PAFAH1B2: variants seen among roughly 807,000 people sequenced by gnomAD.
PAFAH1B2 encodes the protein platelet activating factor acetylhydrolase 1b catalytic subunit 2, also known as platelet-activating factor acetylhydrolase IB subunit alpha2.
In PAFAH1B2, 8 loss-of-function variants were observed where a neutral mutation model predicts 28.0. The observed-to-expected ratio is 0.29, with a 90% CI of 0.17 to 0.52. The LOEUF (loss-of-function observed/expected upper bound fraction) is 0.52. PAFAH1B2 is among the 20% of genes least tolerant of loss of function. The probability of loss-of-function intolerance (pLI) is 0.97; values close to 1 mark genes in which losing one functional copy is unlikely to be tolerated. For synonymous variants in PAFAH1B2, 104 were observed against 103.2 expected, an observed-to-expected ratio of 1.01 and a Z score of -0.05; for missense variants, 190 against 282.6, an observed-to-expected ratio of 0.67 and a Z score of 2.35.
chr11:117,149,324 C>A (rs1565260443), intron 1 of PAFAH1B2, among the ~76,000 whole-genome samples: 1 of 151,618 alleles, frequency 6.6e-6, no homozygotes. Context: ...TTCAAGTCAT[C>A]TTCCTGCCTC....
intron 5 of PAFAH1B2, among the ~76,000 whole-genome samples, chr11:117,166,468 A>G (rs1413813694): frequency 6.6e-6 from 1 of 152,250 alleles, no homozygotes; most frequent in East Asian, 1.9e-4. Context: ...TAGTAGTATC[A>G]TGGAAATGAT....
intron 2 of PAFAH1B2, among the ~76,000 whole-genome samples, chr11:117,152,838 C>T (rs1222717346): frequency 3.9e-5 from 6 of 152,152 alleles, no homozygotes; most frequent in African/African-American, 1.4e-4. Flanking sequence ...TTGGGGAGGC[C>T]GAGGTGGGCG....
downstream of PAFAH1B2, among the ~76,000 whole-genome samples, chr11:117,172,893 A>G (rs1166375696): frequency 6.6e-6 from 1 of 152,142 alleles, no homozygotes; most frequent in Non-Finnish European, 1.5e-5. Flanking sequence ...TAGTAGAGAC[A>G]GGGTTCGCCA....
chr11:117,150,539 T>G (rs1490153747), intron 1 of PAFAH1B2, among the ~76,000 whole-genome samples: 1 of 152,136 alleles, frequency 6.6e-6, no homozygotes, highest in Non-Finnish European at 1.5e-5. Context: ...AGTGTTAGTA[T>G]TATTTGCTTC....
In PAFAH1B2 at chr11:117,167,772, C is replaced by T; in HGVS notation, c.*73C>T. Reference sequence around the variant, plus strand: ...CTATCACTGGCACTACAGAATCCTTCTCTTTCTTAAGGCACTTTGCATTGT... The same window carrying T: ...CTATCACTGGCACTACAGAATCCTTTTCTTTCTTAAGGCACTTTGCATTGT... On this transcript the variant is annotated 3_prime_UTR_variant, in exon 6 of 6. Transcript: ENST00000527958. The T allele has an allele frequency of 7.2e-7, 1 of 1,392,086 alleles. No homozygotes were observed. The highest frequency in any genetic ancestry group is 1.4e-5 in the African/African-American group (1 of 69,182). The allele number at this position is 1,392,086 out of a possible 1,614,324, so 86.2% of individuals were successfully genotyped here. A position where few individuals can be genotyped will look rare whatever the true frequency, so the allele number is the denominator to read the frequency against.
chr11:117,159,617 C>G, intron 2 of PAFAH1B2: 1 of 245,802 alleles, frequency 4.1e-6, no homozygotes, highest in African/African-American at 2.2e-5. Context: ...AGCCTATAAT[C>G]CCAGCTATTC....
At chr11:117,156,224 A>T (rs969883862) in intron 2 of PAFAH1B2, among the ~76,000 whole-genome samples, 1 of 152,192 alleles carries the variant, frequency 6.6e-6, no homozygotes, top group Non-Finnish European at 1.5e-5. Context: ...TTATGATTAT[A>T]AAAACTGCAT....
At chr11:117,161,824 A>G (rs190604517) in intron 4 of PAFAH1B2, among the ~76,000 whole-genome samples, 7 of 152,090 alleles carry the variant, frequency 4.6e-5, no homozygotes, top group African/African-American at 1.7e-4. Flanking sequence ...AAGAGATTTG[A>G]TGCTAACGAG....
chr11:117,170,295 A>T lies in PAFAH1B2; in HGVS notation c.*2596A>T, dbSNP rs1429946020. 9.4e-7 allele frequency: 1 copy of T among 1,062,252 alleles called. No homozygotes were observed. The highest frequency in any genetic ancestry group is 1.1e-6 in the Non-Finnish European group (1 of 877,956). 65.8% of individuals were successfully genotyped at this position (1,062,252 alleles called of 1,614,324 possible). ...CCAACTTTCCAGGCAGCTAGCAGAG[A>T]TACTATTCTCTTCCTCTCCCAGCAA... On this transcript the variant is annotated 3_prime_UTR_variant, in exon 6 of 6. Coordinates refer to ENST00000527958, the MANE Select transcript of PAFAH1B2 (RefSeq NM_002572.4).
Position 117,168,450 on chromosome 11 carries a change from T to TTTTTTTTTTTTTG in PAFAH1B2, c.*763_*764insGTTTTTTTTTTTT. ...CTTCATTCCCCCCGCCACCCCGTTT[T>TTTTTTTTTTTTTG]TTTTTTTTTTTTTTTTTTTTTGGTT... On this transcript the variant is annotated 3_prime_UTR_variant, in exon 6 of 6. Transcript: ENST00000527958. 2 of 408,654 alleles carry TTTTTTTTTTTTTG rather than the reference T, an allele frequency of 4.9e-6. No homozygotes were observed. The highest frequency in any genetic ancestry group is 7.2e-5 in the African/African-American group (1 of 13,810). 25.3% of individuals were successfully genotyped at this position (408,654 alleles called of 1,614,324 possible). A position where few individuals can be genotyped will look rare whatever the true frequency, so the allele number is the denominator to read the frequency against.
chr11:117,170,196 G>T lies in PAFAH1B2; in HGVS notation c.*2497G>T. 1 of 1,057,046 alleles carries T rather than the reference G, an allele frequency of 9.5e-7. No homozygotes were observed. The highest frequency in any genetic ancestry group is 1.1e-6 in the Non-Finnish European group (1 of 874,246). The allele number at this position is 1,057,046 out of a possible 1,614,324, so 65.5% of individuals were successfully genotyped here. On this transcript the variant is annotated 3_prime_UTR_variant, in exon 6 of 6. Coordinates refer to ENST00000527958, the MANE Select transcript of PAFAH1B2 (RefSeq NM_002572.4). Reference sequence around the variant, plus strand: ...TGACAGAACTTACTGCTTAGTCTTTGTACTTTTTAAAAAATCTATAAATTT... The same window carrying T: ...TGACAGAACTTACTGCTTAGTCTTTTTACTTTTTAAAAAATCTATAAATTT...
intron 1 of PAFAH1B2, among the ~76,000 whole-genome samples, chr11:117,149,184 A>G (rs1339890943): frequency 6.6e-6 from 1 of 151,712 alleles, no homozygotes; most frequent in African/African-American, 2.4e-5. Flanking sequence ...CGCCCAGCCC[A>G]AGCAATCCTC....
In PAFAH1B2 at chr11:117,167,631, C is replaced by T; in HGVS notation, c.622C>T (p.Pro208Ser). 6.2e-7 allele frequency: 1 copy of T among 1,608,718 alleles called. No individual in the cohort carries two copies. Among genetic ancestry groups the T allele is most frequent in the Non-Finnish European group, 8.5e-7 (1 of 1,176,170 alleles). The change falls in exon 6 of 6, where the codon CCC becomes TCC. Residue 208 changes from proline to serine, a missense_variant. Coordinates refer to ENST00000527958, the MANE Select transcript of PAFAH1B2 (RefSeq NM_002572.4). ...AGGGGGCTATGCAAAGATCTGCAAA[C>T]CCCTGCATGAACTGATCATGCAGTT... Reference protein sequence around the residue: ...TGGGYAKICKPLHELIMQLLE... With the variant: ...TGGGYAKICKSLHELIMQLLE...
chr11:117,175,862 G>T, downstream of PAFAH1B2: 1 of 1,525,110 alleles, frequency 6.6e-7, no homozygotes, highest in South Asian at 1.2e-5. Context: ...AGGAGTTCAA[G>T]ACCAGCCTGG....
downstream of PAFAH1B2, chr11:117,175,083 C>T (rs1282161575): frequency 7.8e-7 from 1 of 1,278,496 alleles, no homozygotes; most frequent in Non-Finnish European, 9.9e-7. Context: ...CCATTCAACA[C>T]TCAGGCTCAG....
downstream of PAFAH1B2, among the ~76,000 whole-genome samples, chr11:117,173,282 C>T (rs974022222): frequency 3.3e-5 from 5 of 152,142 alleles, no homozygotes; most frequent in Admixed American, 2.0e-4. Flanking sequence ...AGTGACTGAC[C>T]TATCTCTAGG....
downstream of PAFAH1B2, chr11:117,175,778 T>C (rs1314923414): frequency 3.7e-6 from 4 of 1,095,856 alleles, no homozygotes; most frequent in African/African-American, 3.1e-5. Context: ...CCCAAAGTTA[T>C]GAGGCCAACT....
chr11:117,169,501 A>C lies in PAFAH1B2; in HGVS notation c.*1802A>C. Reference sequence around the variant, plus strand: ...GCTTTTGTATGTTGGAGGAGGGCTTACTGATGCGTGCTAAGACCGATTTCT... The same window carrying C: ...GCTTTTGTATGTTGGAGGAGGGCTTCCTGATGCGTGCTAAGACCGATTTCT... On this transcript the variant is annotated 3_prime_UTR_variant, in exon 6 of 6. Transcript: ENST00000527958. 1 of 1,055,092 alleles carries C rather than the reference A, an allele frequency of 9.5e-7. No homozygotes were observed. The highest frequency in any genetic ancestry group is 1.1e-6 in the Non-Finnish European group (1 of 872,788). 65.4% of individuals were successfully genotyped at this position (1,055,092 alleles called of 1,614,324 possible). A position where few individuals can be genotyped will look rare whatever the true frequency, so the allele number is the denominator to read the frequency against.
At chr11:117,157,454 A>G (rs1219127152) in intron 2 of PAFAH1B2, among the ~76,000 whole-genome samples, 2 of 152,168 alleles carry the variant, frequency 1.3e-5, no homozygotes, top group African/African-American at 4.8e-5. Context: ...AGGTGTTTTC[A>G]TAATCTGTAA....
Sources: gnomAD v4.1 joint callset for allele counts (sites outside exome capture counted in the v4.1 genomes callset) on GRCh38, gnomAD v4.1.1 for gene constraint, MANE v1.5 for transcripts, NCBI Gene and HGNC (gene_info 2026-07-23, HGNC 2026-07-21) for gene names.